PLEK2: variants seen among roughly 807,000 people sequenced by gnomAD.
PLEK2 encodes pleckstrin-2.
A neutral mutation model predicts 43.8 loss-of-function variants in PLEK2; 29 were observed. The ratio of observed to expected loss-of-function variants is 0.66; its 90% CI spans 0.49 to 0.90. The LOEUF (loss-of-function observed/expected upper bound fraction) is 0.90, where lower values mean the gene tolerates loss of function less well. PLEK2 is among the 40% of genes least tolerant of loss of function. The pLI is 0.00. For missense variants in PLEK2, 398 were observed against 448.1 expected, an observed-to-expected ratio of 0.89 and a Z score of 1.01; for synonymous variants, 162 against 173.2, an observed-to-expected ratio of 0.94 and a Z score of 0.51.
At chr14:67,408,922 C>G (rs1304711072) in intron 1 of PLEK2, among the ~76,000 whole-genome samples, 2 of 151,834 alleles carry the variant, frequency 1.3e-5, no homozygotes, top group Admixed American at 1.3e-4. Context: ...TCAGTTTTTT[C>G]GCCACATAAA....
chr14:67,392,928 C>T (rs558366442), intron 4 of PLEK2, 79 bp from the exon 5 acceptor site: 6 of 1,239,836 alleles, frequency 4.8e-6, no homozygotes, highest in Middle Eastern at 2.3e-4. Flanking sequence ...CCTCACTGAC[C>T]TTGGCCCTCT....
At chr14:67,393,859 A>G (rs969874287) in intron 3 of PLEK2, among the ~76,000 whole-genome samples, 1 of 152,150 alleles carries the variant, frequency 6.6e-6, no homozygotes, top group Non-Finnish European at 1.5e-5. Flanking sequence ...GTTTCACAAG[A>G]AAGTCTGAGG....
At chr14:67,394,512 C>T (rs969781315) in intron 3 of PLEK2, among the ~76,000 whole-genome samples, 4 of 152,184 alleles carry the variant, frequency 2.6e-5, no homozygotes, top group African/African-American at 9.7e-5. Flanking sequence ...TTAAACCCAC[C>T]TGCCTACCCA....
At chr14:67,391,591 C>T (rs1342572837) in intron 6 of PLEK2, among the ~76,000 whole-genome samples, 3 of 152,238 alleles carry the variant, frequency 2.0e-5, no homozygotes, top group South Asian at 2.1e-4. Context: ...GGAGTGGTGC[C>T]GAGCCGTGTA....
chr14:67,411,981 C>T (rs1003813363), intron 1 of PLEK2, 37 bp downstream of exon 1: 2 of 1,518,520 alleles, frequency 1.3e-6, no homozygotes. Context: ...GGCGGGGCCC[C>T]ACCCGGGCAA....
chr14:67,392,093 A>G (rs895224617), intron 6 of PLEK2, among the ~76,000 whole-genome samples: 1 of 152,164 alleles, frequency 6.6e-6, no homozygotes, highest in Non-Finnish European at 1.5e-5. Flanking sequence ...GTGTGTGTGT[A>G]GTACATTTTT....
At chr14:67,407,147 A>G (rs2086084034) in intron 1 of PLEK2, among the ~76,000 whole-genome samples, 2 of 151,852 alleles carry the variant, frequency 1.3e-5, no homozygotes, top group African/African-American at 4.8e-5. Flanking sequence ...TTTGAGACGG[A>G]GTCTTGCACT....
At chr14:67,401,889 C>T (rs1450092041) in intron 1 of PLEK2, among the ~76,000 whole-genome samples, 6 of 151,988 alleles carry the variant, frequency 3.9e-5, no homozygotes, top group African/African-American at 1.2e-4. Context: ...TTTGGGAGGC[C>T]GAGGTGGGCG....
At chr14:67,389,991 C>T (rs1446084910) in intron 7 of PLEK2, among the ~76,000 whole-genome samples, 1 of 152,018 alleles carries the variant, frequency 6.6e-6, no homozygotes, top group Non-Finnish European at 1.5e-5. Context: ...CTGACTGAAG[C>T]TCAGTGAGGA....
At chr14:67,393,813 A>T (rs772437867) in intron 3 of PLEK2, among the ~76,000 whole-genome samples, 17 of 152,172 alleles carry the variant, frequency 1.1e-4, no homozygotes, top group Non-Finnish European at 2.4e-4. Flanking sequence ...CTCACCCCTC[A>T]TAAAGATGTT....
intron 3 of PLEK2, 93 bp from the exon 4 acceptor site, chr14:67,393,334 G>A (rs1272892016): frequency 3.5e-5 from 29 of 837,644 alleles, no homozygotes; most frequent in African/African-American, 5.0e-5. Context: ...TATAAAGCAA[G>A]TGGCAAATGG....
rs1275736811 is a variant in PLEK2 at position 67,393,153 on chromosome 14, G to C, written c.478C>G (p.Leu160Val). 5.0e-6 allele frequency: 8 copies of C among 1,609,602 alleles called. No individual in the cohort carries two copies. In the Admixed American group the frequency reaches 1.2e-4, roughly 23 times the overall value. Residue 160 changes from leucine (L) to valine (V), a missense_variant, in exon 4 of 9, where the codon CTC becomes GTC. By Grantham distance (32) the Leu-to-Val change is conservative. Coordinates refer to ENST00000216446, the MANE Select transcript of PLEK2 (RefSeq NM_016445.3). ...EQGSTYKKTF[L>V]GSSLVDWLIS... ...CGGCCCTGGGGGACAGGCTCACCGA[G>C]GAAGGTCTTTTTATAGGTGCTTCCC... is the stretch of plus-strand genomic sequence containing the variant.
intron 7 of PLEK2, among the ~76,000 whole-genome samples, 194 bp from the exon 8 acceptor site, chr14:67,388,496 C>A (rs1043218754): frequency 6.6e-6 from 1 of 152,152 alleles, no homozygotes; most frequent in Non-Finnish European, 1.5e-5. Context: ...ATTTCACAGC[C>A]AGCAGCAGTA....
At chr14:67,406,974 A>G (rs1451346920) in intron 1 of PLEK2, among the ~76,000 whole-genome samples, 1 of 152,160 alleles carries the variant, frequency 6.6e-6, no homozygotes. Flanking sequence ...GGCCAGCTGA[A>G]GCAGGGGGTG....
chr14:67,410,523 G>C (rs1023257095), intron 1 of PLEK2, among the ~76,000 whole-genome samples: 1 of 152,146 alleles, frequency 6.6e-6, no homozygotes, highest in Non-Finnish European at 1.5e-5. Flanking sequence ...TGGGCGTGGC[G>C]CTTTGTACTG....
At position 67,397,790 on chromosome 14, in the gene PLEK2, T is replaced by C. The variant is rs757086338; in HGVS notation, c.79A>G (p.Ile27Val). The change falls in exon 2 of 9, where the codon ATC becomes GTC. Residue 27 changes from isoleucine to valine, a missense_variant. By Grantham distance (29) the Ile-to-Val change is conservative. Coordinates refer to ENST00000216446, the MANE Select transcript of PLEK2 (RefSeq NM_016445.3). ...TACACCAGCGTGTTCTGCCGAAGGA[T>C]GAACCATCGCGCCTTCCAGTTGTGG... ...IVHNWKARWF[I>V]LRQNTLVYYK... is the part of the protein sequence containing the mutation. 6.2e-7 allele frequency: 1 copy of C among 1,613,012 alleles called. No homozygotes were observed.
intron 1 of PLEK2, among the ~76,000 whole-genome samples, chr14:67,401,725 CTGTGA>C: frequency 6.6e-6 from 1 of 152,246 alleles, no homozygotes; most frequent in East Asian, 1.9e-4. Flanking sequence ...ACCACCTATT[CTGTGA>C]TATTTAGTTA....
Position 67,395,473 on chromosome 14 carries a change from C to T in PLEK2, c.318G>A (p.Gly106=). The part of the protein sequence containing the change: ...AFEITGAIHA[G]QPGKVQQLHS... ...GCAGCTGCTGGACCTTCCCCGGCTG[C>T]CCTGCATGAATAGCCCCGGTGATCT... The change falls in exon 3 of 9, where the codon GGG becomes GGA. Residue 106 remains glycine, a synonymous_variant. Coordinates refer to ENST00000216446, the MANE Select transcript of PLEK2 (RefSeq NM_016445.3). 6.2e-7 allele frequency: 1 copy of T among 1,614,068 alleles called. No individual in the cohort carries two copies. Among genetic ancestry groups the T allele is most frequent in the Non-Finnish European group, 8.5e-7 (1 of 1,179,942 alleles).
At chr14:67,410,664 G>T (rs1271634329) in intron 1 of PLEK2, among the ~76,000 whole-genome samples, 2 of 152,210 alleles carry the variant, frequency 1.3e-5, no homozygotes, top group African/African-American at 4.8e-5. Flanking sequence ...TGGGGAAAAT[G>T]AAAGTGATGT....
Sources: allele counts gnomAD v4.1 joint callset (sites outside exome capture counted in the v4.1 genomes callset), GRCh38; gene constraint gnomAD v4.1.1; transcripts MANE v1.5; gene names NCBI Gene and HGNC (gene_info 2026-07-23, HGNC 2026-07-21).